GCH1: variants seen among roughly 807,000 people sequenced by gnomAD.
The protein encoded by GCH1 is GTP cyclohydrolase I.
Under a neutral mutation model 25.9 loss-of-function variants are expected in GCH1, and 5 were observed. The ratio of observed to expected loss-of-function variants is 0.19; its 90% CI spans 0.10 to 0.41. The LOEUF (loss-of-function observed/expected upper bound fraction) is 0.41, where lower values mean the gene tolerates loss of function less well. Among genes scored for constraint, GCH1 ranks in the 10% least tolerant of loss-of-function variants. The pLI, the probability that GCH1 is intolerant of heterozygous loss-of-function variation, is 1.00. For synonymous variants in GCH1, 159 were observed against 129.6 expected, an observed-to-expected ratio of 1.23 and a Z score of -1.54; for missense variants, 261 against 336.5, an observed-to-expected ratio of 0.78 and a Z score of 1.75.
chr14:54,888,725 G>A (rs146704405), intron 1 of GCH1, among the ~76,000 whole-genome samples: 8 of 148,872 alleles, frequency 5.4e-5, no homozygotes, highest in Admixed American at 1.4e-4. Context: ...GGGTTTCAGC[G>A]TGTTAGCCAA....
chr14:54,887,764 C>T (rs954164950), intron 1 of GCH1, among the ~76,000 whole-genome samples: 5 of 152,036 alleles, frequency 3.3e-5, no homozygotes, highest in South Asian at 2.1e-4. Flanking sequence ...TATCAGTAAA[C>T]GAATAAACTA....
chr14:54,849,707 C>A (rs1432439212), intron 3 of GCH1, among the ~76,000 whole-genome samples: 2 of 152,106 alleles, frequency 1.3e-5, no homozygotes, highest in East Asian at 1.9e-4. Flanking sequence ...CCTCTGTTAT[C>A]TCCAGGAATT....
At chr14:54,859,603 C>T in intron 3 of GCH1, 78 bp downstream of exon 3, 1 of 835,270 alleles carries the variant, frequency 1.2e-6, no homozygotes, top group Non-Finnish European at 2.1e-6. Context: ...AGAGAGAAAG[C>T]CTGATGAGAT....
In GCH1 at chr14:54,902,417, C is replaced by A; in HGVS notation, c.247G>T (p.Gly83Cys). 1 of 1,613,068 alleles carries A rather than the reference C, an allele frequency of 6.2e-7. No individual in the cohort carries two copies. Among genetic ancestry groups the A allele is most frequent in the African/African-American group, 1.3e-5 (1 of 75,046 alleles). The change falls in exon 1 of 6, where the codon GGC (glycine) becomes TGC (cysteine). Residue 83 changes from glycine (G) to cysteine (C), a missense_variant. Physicochemically the swap from Gly to Cys is radical, Grantham distance 159. Transcript: ENST00000491895. The part of the protein sequence containing the change: ...AAYSSILSSL[G>C]ENPQRQGLLK... ...AGCCCTTGCCGCTGGGGGTTCTCGC[C>A]CAGCGAGCTCAGGATGGACGAGTAG...
chr14:54,860,302 C>T (rs1056443318), intron 2 of GCH1, among the ~76,000 whole-genome samples: 1 of 152,130 alleles, frequency 6.6e-6, no homozygotes, highest in African/African-American at 2.4e-5. Context: ...GGAGGAGAAA[C>T]ATTCTCAAGG....
chr14:54,885,505 G>A (rs1034761343), intron 1 of GCH1: 3 of 307,900 alleles, frequency 9.7e-6, no homozygotes, highest in Non-Finnish European at 1.9e-5. Flanking sequence ...ATCATTGATG[G>A]CATCCAAACC....
intron 1 of GCH1, among the ~76,000 whole-genome samples, chr14:54,875,545 A>T: frequency 6.6e-6 from 1 of 152,224 alleles, no homozygotes; most frequent in Non-Finnish European, 1.5e-5. Flanking sequence ...CAACCTACAG[A>T]ATGGGAGAAA....
chr14:54,843,211 T>C lies in GCH1; in HGVS notation c.*806A>G, dbSNP rs1480298985. The C allele has an allele frequency of 7.0e-7, 1 of 1,438,412 alleles. No individual in the cohort carries two copies. The highest frequency in any genetic ancestry group is 9.1e-7 in the Non-Finnish European group (1 of 1,101,682). The allele number at this position is 1,438,412 out of a possible 1,614,324, so 89.1% of individuals were successfully genotyped here. A position where few individuals can be genotyped will look rare whatever the true frequency, so the allele number is the denominator to read the frequency against. On this transcript the variant is annotated 3_prime_UTR_variant, in exon 6 of 6. Transcript: ENST00000491895. ...ATAAAGTTAAAACTGAGCTGACTAGTTATTTGCAGTGTGAGTACTAAGTCT... is the reference window on the plus strand; with the variant it reads ...ATAAAGTTAAAACTGAGCTGACTAGCTATTTGCAGTGTGAGTACTAAGTCT...
In GCH1 at chr14:54,843,675, C is replaced by T. The variant is rs1164927299; in HGVS notation, c.*342G>A. 3.8e-6 allele frequency: 6 copies of T among 1,591,396 alleles called. No individual in the cohort carries two copies. The highest frequency in any genetic ancestry group is 5.1e-6 in the Non-Finnish European group (6 of 1,171,054). On this transcript the variant is annotated 3_prime_UTR_variant, in exon 6 of 6. Coordinates refer to ENST00000491895, the MANE Select transcript of GCH1 (RefSeq NM_000161.3). ...CAGTTCCCTCTCATTCCCAATGCTCCTATGCTTATGAGGCAAATTACTGTA... is the reference window on the plus strand; with the variant it reads ...CAGTTCCCTCTCATTCCCAATGCTCTTATGCTTATGAGGCAAATTACTGTA...
chr14:54,851,615 C>G (rs182762758), intron 3 of GCH1, among the ~76,000 whole-genome samples: 6 of 152,212 alleles, frequency 3.9e-5, no homozygotes, highest in East Asian at 3.9e-4. Flanking sequence ...AACAGACACA[C>G]GAAAAAATGC....
At chr14:54,897,327 T>A (rs1171043195) in intron 1 of GCH1, among the ~76,000 whole-genome samples, 3 of 151,118 alleles carry the variant, frequency 2.0e-5, no homozygotes, top group Admixed American at 2.0e-4. Context: ...TCGCTCTTGT[T>A]GCCCAGGCTG....
At position 54,871,326 on chromosome 14, in the gene GCH1, T is replaced by A. The variant is rs529596683; in HGVS notation, c.344-5890A>T. Among the ~76,000 whole-genome samples the A allele has an allele frequency of 2.0e-5, 3 of 151,898 alleles. No homozygotes were observed. In the East Asian group the frequency reaches 5.8e-4, roughly 29 times the overall value. ...GGAAAACTAACAAACAAAAAAGACA[T>A]CCACACCAAAATCCCATCTGTACAT... On this transcript the variant is annotated intron_variant, in intron 1 of 5. Coordinates refer to ENST00000491895, the MANE Select transcript of GCH1 (RefSeq NM_000161.3).
chr14:54,872,134 C>G (rs1239202513), intron 1 of GCH1, among the ~76,000 whole-genome samples: 1 of 152,190 alleles, frequency 6.6e-6, no homozygotes, highest in African/African-American at 2.4e-5. Flanking sequence ...GCCCATCGGA[C>G]TAACAGCTGA....
At chr14:54,880,611 T>C (rs1376780225) in intron 1 of GCH1, among the ~76,000 whole-genome samples, 1 of 18,270 alleles carries the variant, frequency 5.5e-5, no homozygotes, top group Non-Finnish European at 9.1e-5. Context: ...TATATATATA[T>C]ACTCCATATA....
intron 1 of GCH1, among the ~76,000 whole-genome samples, chr14:54,899,119 G>A (rs1215073181): frequency 6.6e-6 from 1 of 151,980 alleles, no homozygotes; most frequent in African/African-American, 2.4e-5. Flanking sequence ...ATCATTGAAG[G>A]AAACATCATA....
chr14:54,866,279 G>A lies in GCH1; in HGVS notation c.344-843C>T, dbSNP rs1490245009. On this transcript the variant is annotated intron_variant, in intron 1 of 5. Coordinates refer to ENST00000491895, the MANE Select transcript of GCH1 (RefSeq NM_000161.3). The stretch of plus-strand genomic sequence containing the variant: ...TCCTGGATGCTGAAGAGGGATAGAG[G>A]GAAACAAGCCACATTCCCCACCAAT... 7.9e-5 allele frequency among the ~76,000 whole-genome samples: 12 copies of A among 151,986 alleles called. No individual in the cohort carries two copies. In the South Asian group the frequency reaches 2.5e-3, roughly 32 times the overall value.
intron 3 of GCH1, chr14:54,859,127 G>A (rs1333023742): frequency 1.9e-5 from 3 of 158,644 alleles, no homozygotes; most frequent in Non-Finnish European, 4.2e-5. Flanking sequence ...CAGGACCCCT[G>A]AGATATGCCT....
At chr14:54,860,660 C>T (rs1039638358) in intron 2 of GCH1, among the ~76,000 whole-genome samples, 4 of 151,812 alleles carry the variant, frequency 2.6e-5, no homozygotes, top group African/African-American at 4.8e-5. Context: ...CCTGCCTTAG[C>T]CTCCTGAGTA....
intron 1 of GCH1, among the ~76,000 whole-genome samples, chr14:54,870,667 A>G (rs1161453963): frequency 6.6e-6 from 1 of 152,196 alleles, no homozygotes. Context: ...GCACTTTTCC[A>G]ACGATCTTAG....
Sources: gnomAD v4.1 joint callset for allele counts (sites outside exome capture counted in the v4.1 genomes callset) on GRCh38, gnomAD v4.1.1 for gene constraint, MANE v1.5 for transcripts, NCBI Gene and HGNC (gene_info 2026-07-23, HGNC 2026-07-21) for gene names.